The following CES5A variants were observed in gnomAD, a reference collection of about 807,000 sequenced individuals.
CES5A encodes the protein carboxylesterase 5A, also known as carboxylesterase 5.
A neutral mutation model predicts 62.9 loss-of-function variants in CES5A; 67 were observed. The ratio of observed to expected loss-of-function variants is 1.07; its 90% CI spans 0.88 to 1.31. CES5A has a LOEUF of 1.31. Among genes scored for constraint, CES5A ranks in the 50% most tolerant of loss-of-function variants. The pLI, the probability that CES5A is intolerant of heterozygous loss-of-function variation, is 0.00. For synonymous variants in CES5A, 296 were observed against 280.8 expected (o/e 1.05, Z -0.54); for missense variants, 748 against 708.5 (o/e 1.06, Z -0.63).
upstream of CES5A, among the ~76,000 whole-genome samples, chr16:55,928,319 G>A (rs1396011337): frequency 3.3e-5 from 5 of 152,256 alleles, no homozygotes; most frequent in East Asian, 5.8e-4. Context: ...ACTCAGGAAC[G>A]GAAAGCCAAA....
intron 1 of CES5A, among the ~76,000 whole-genome samples, chr16:55,898,712 G>T (rs1445634232): frequency 1.3e-5 from 2 of 152,212 alleles, no homozygotes; most frequent in Non-Finnish European, 2.9e-5. Context: ...GGGCCCAGGG[G>T]CCACTGCCTT....
At chr16:55,874,828 C>T (rs1290838403) in intron 1 of CES5A, among the ~76,000 whole-genome samples, 2 of 152,156 alleles carry the variant, frequency 1.3e-5, no homozygotes, top group Non-Finnish European at 2.9e-5. Flanking sequence ...TACTGAAAGT[C>T]CTGTCGCCGC....
intron 1 of CES5A, among the ~76,000 whole-genome samples, chr16:55,882,443 T>A (rs2033771620): frequency 6.6e-6 from 1 of 152,206 alleles, no homozygotes. Context: ...CCACTGGAGC[T>A]TGCCATGAGC....
At chr16:55,882,094 G>T (rs2033767618) in intron 1 of CES5A, among the ~76,000 whole-genome samples, 1 of 152,114 alleles carries the variant, frequency 6.6e-6, no homozygotes, top group African/African-American at 2.4e-5. Context: ...CCATAACAAT[G>T]AAAAATCCCT....
intron 2 of CES5A, among the ~76,000 whole-genome samples, chr16:55,948,342 AG>A (rs773122670): frequency 1.3e-5 from 2 of 152,194 alleles, no homozygotes; most frequent in Non-Finnish European, 2.9e-5. Flanking sequence ...TGTGAAAAGG[AG>A]GGGGCAGAGG....
At chr16:55,918,754 A>G (rs1325536960) in intron 1 of CES5A, among the ~76,000 whole-genome samples, 1 of 152,208 alleles carries the variant, frequency 6.6e-6, no homozygotes, top group African/African-American at 2.4e-5. Flanking sequence ...TCTCCATCAC[A>G]TTATAATGCT....
At chr16:55,868,725 C>T (rs143087125) in intron 4 of CES5A, among the ~76,000 whole-genome samples, 160 of 152,298 alleles carry the variant, frequency 1.1e-3, no homozygotes, top group African/African-American at 3.8e-3. Context: ...CCCCACCTCT[C>T]ACTTCTCCTC....
At position 55,875,245 on chromosome 16, in the gene CES5A, G is replaced by A; in HGVS notation, c.-24C>T. The A allele has an allele frequency of 6.2e-7, 1 of 1,608,940 alleles. No homozygotes were observed. Among genetic ancestry groups the A allele is most frequent in the South Asian group, 1.1e-5 (1 of 90,190 alleles). On this transcript the variant is annotated 5_prime_UTR_variant, in exon 1 of 13. Transcript: ENST00000290567. The stretch of plus-strand genomic sequence containing the variant: ...ATTTGGCTGCCTGCCTGCACTCTGT[G>A]AACATTGACGGCGGCTGCTGGCCTC...
At chr16:55,891,583 GT>G (rs1210839555) in intron 1 of CES5A, among the ~76,000 whole-genome samples, 1 of 152,194 alleles carries the variant, frequency 6.6e-6, no homozygotes, top group African/African-American at 2.4e-5. Flanking sequence ...TCACAGGTAG[GT>G]GACAGACAAA....
chr16:55,915,765 T>A (rs968249457), intron 1 of CES5A, among the ~76,000 whole-genome samples: 1 of 152,212 alleles, frequency 6.6e-6, no homozygotes, highest in Non-Finnish European at 1.5e-5. Flanking sequence ...TGAAATCATC[T>A]GTCCCTCTCC....
At chr16:55,912,429 A>C (rs549820550) in intron 1 of CES5A, among the ~76,000 whole-genome samples, 1 of 152,130 alleles carries the variant, frequency 6.6e-6, no homozygotes, top group Non-Finnish European at 1.5e-5. Context: ...GCATTCGAGG[A>C]AAAAAACAAA....
intron 1 of CES5A, among the ~76,000 whole-genome samples, chr16:55,895,511 C>T (rs1432988736): frequency 1.3e-5 from 2 of 152,190 alleles, no homozygotes; most frequent in African/African-American, 4.8e-5. Flanking sequence ...TTGTATGGAG[C>T]CTGTTACTAC....
At chr16:55,942,651 CTATTGTATGCT>C (rs777081306) in intron 2 of CES5A, among the ~76,000 whole-genome samples, 6 of 152,124 alleles carry the variant, frequency 3.9e-5, no homozygotes, top group Admixed American at 3.9e-4. Flanking sequence ...ACTCATGTGT[CTATTGTATGCT>C]TCAACATTCC....
intron 2 of CES5A, among the ~76,000 whole-genome samples, chr16:55,930,902 T>A (rs1171796995): frequency 5.9e-5 from 9 of 152,184 alleles, no homozygotes; most frequent in African/African-American, 2.2e-4. Flanking sequence ...TTTATAGGAA[T>A]GTCTTAAGTC....
intron 1 of CES5A, among the ~76,000 whole-genome samples, chr16:55,908,603 G>A (rs1815986): frequency 2.6e-5 from 4 of 152,022 alleles, no homozygotes; most frequent in African/African-American, 7.3e-5. Context: ...CACGTGATCC[G>A]CCCACCTTGG....
upstream of CES5A, among the ~76,000 whole-genome samples, chr16:55,877,429 T>C (rs1457316873): frequency 6.8e-6 from 1 of 147,684 alleles, no homozygotes; most frequent in Admixed American, 6.8e-5. Flanking sequence ...TGTATATATA[T>C]ATATGTGTGT....
intron 1 of CES5A, among the ~76,000 whole-genome samples, chr16:55,895,006 C>T (rs1946139): frequency 0.72 from 109,356 of 152,010 alleles, 39,353 homozygotes; most frequent in Non-Finnish European, 0.73. Flanking sequence ...TAGAAGACCA[C>T]GTGCTTGCCA....
At chr16:55,875,437 A>G, upstream of CES5A, 1 of 1,194,616 alleles carries the variant, frequency 8.4e-7, no homozygotes, top group South Asian at 2.0e-5. Context: ...GCTGATGATT[A>G]ACTATTGAGC....
chr16:55,859,434 G>A (rs1338964496), intron 8 of CES5A, 113 bp downstream of exon 8: 1 of 1,017,788 alleles, frequency 9.8e-7, no homozygotes, highest in Non-Finnish European at 1.5e-6. Context: ...TGCTTGGCTG[G>A]TGGGCTCCAG....
Sources: allele counts gnomAD v4.1 joint callset (sites outside exome capture counted in the v4.1 genomes callset), GRCh38; gene constraint gnomAD v4.1.1; transcripts MANE v1.5; gene names NCBI Gene and HGNC (gene_info 2026-07-23, HGNC 2026-07-21).